Variants in FMN1 observed in about 807,000 individuals in gnomAD.
The protein encoded by FMN1 is formin 1.
Under a neutral mutation model 132.4 loss-of-function variants are expected in FMN1, and 110 were observed. The ratio of observed to expected loss-of-function variants is 0.83; its 90% CI spans 0.71 to 0.97. The LOEUF is 0.97. Among genes scored for constraint, FMN1 ranks in the 50% least tolerant of loss-of-function variants. The pLI, the probability that FMN1 is intolerant of heterozygous loss-of-function variation, is 0.00. For missense variants in FMN1, 1,792 were observed against 1,705.3 expected, an observed-to-expected ratio of 1.05 and a Z score of -0.90; for synonymous variants, 722 against 651.7, an observed-to-expected ratio of 1.11 and a Z score of -1.64.
chr15:33,161,471 C>T (rs1158307708), intron 3 of FMN1, among the ~76,000 whole-genome samples: 1 of 152,194 alleles, frequency 6.6e-6, no homozygotes, highest in African/African-American at 2.4e-5. Context: ...GCTGCTTTCT[C>T]TGAGTACCAT....
Position 32,964,048 on chromosome 15 carries a change from CATAT to C in FMN1, c.3138+55_3138+58del, listed in dbSNP as rs373128790. On this transcript the variant is annotated intron_variant, in intron 9 of 20. Transcript: ENST00000616417. Reference sequence around the variant, plus strand: ...ACACACACACACACACACACACACACATATATACCATTTCCCTGTATAATATATA... The same window carrying C: ...ACACACACACACACACACACACACACATACCATTTCCCTGTATAATATATA... The C allele has an allele frequency of 1.9e-4, 212 of 1,124,838 alleles. 1 individual carries two copies. Among genetic ancestry groups the C allele is most frequent in the African/African-American group, 2.5e-4 (14 of 56,690 alleles). 69.7% of individuals were successfully genotyped at this position (1,124,838 alleles called of 1,614,324 possible). A position where few individuals can be genotyped will look rare whatever the true frequency, so the allele number is the denominator to read the frequency against.
intron 9 of FMN1, among the ~76,000 whole-genome samples, chr15:32,946,077 G>A (rs2061504294): frequency 2.6e-5 from 4 of 152,132 alleles, no homozygotes; most frequent in African/African-American, 9.7e-5. Context: ...TCCACGAAAT[G>A]TTGGTAAAAA....
At chr15:32,817,922 A>C (rs1288697946) in intron 17 of FMN1, among the ~76,000 whole-genome samples, 2 of 152,246 alleles carry the variant, frequency 1.3e-5, no homozygotes, top group Non-Finnish European at 2.9e-5. Flanking sequence ...ACATTCAATA[A>C]GAATGAATGT....
At chr15:33,040,344 T>C (rs1454949192) in intron 6 of FMN1, among the ~76,000 whole-genome samples, 1 of 152,198 alleles carries the variant, frequency 6.6e-6, no homozygotes, top group Non-Finnish European at 1.5e-5. Context: ...ATTGAACTTA[T>C]TTGTGTATTT....
intron 7 of FMN1, among the ~76,000 whole-genome samples, chr15:32,985,875 A>G (rs776800528): frequency 3.3e-5 from 5 of 152,164 alleles, no homozygotes; most frequent in Non-Finnish European, 7.4e-5. Context: ...GTGAATGCAC[A>G]TCACATTTTA....
At position 32,769,393 on chromosome 15, in the gene FMN1, C is replaced by T. The variant is rs967729237; in HGVS notation, c.*4917G>A. The stretch of plus-strand genomic sequence containing the variant: ...GATGAAGAATTGTGAAACCAAAATG[C>T]AGTGCCTCTAATAAGGTGTCAACAG... On this transcript the variant is annotated 3_prime_UTR_variant, in exon 21 of 21. Coordinates refer to ENST00000616417, the MANE Select transcript of FMN1 (RefSeq NM_001277313.2). The T allele has an allele frequency of 6.6e-6, 1 of 152,204 alleles. No homozygotes were observed. Among genetic ancestry groups the T allele is most frequent in the African/African-American group, 2.4e-5 (1 of 41,462 alleles). 9.4% of individuals were successfully genotyped at this position (152,204 alleles called of 1,614,324 possible). A position where few individuals can be genotyped will look rare whatever the true frequency, so the allele number is the denominator to read the frequency against.
At chr15:33,046,763 C>A (rs1172497426) in intron 6 of FMN1, among the ~76,000 whole-genome samples, 2 of 151,270 alleles carry the variant, frequency 1.3e-5, no homozygotes, top group Non-Finnish European at 3.0e-5. Flanking sequence ...TCTCTCTGTG[C>A]AAACTGGTTG....
intron 7 of FMN1, among the ~76,000 whole-genome samples, chr15:32,971,414 G>T (rs1269513500): frequency 6.6e-6 from 1 of 152,184 alleles, no homozygotes; most frequent in Non-Finnish European, 1.5e-5. Context: ...CTAGCCTTTT[G>T]TGAGTTCTAC....
intron 16 of FMN1, among the ~76,000 whole-genome samples, chr15:32,864,576 G>A (rs2059349471): frequency 6.6e-6 from 1 of 152,056 alleles, no homozygotes; most frequent in African/African-American, 2.4e-5. Context: ...TTCATCCAAA[G>A]GCAAGACACT....
intron 9 of FMN1, among the ~76,000 whole-genome samples, chr15:32,944,436 A>T (rs773405180): frequency 5.9e-5 from 9 of 152,256 alleles, no homozygotes; most frequent in Admixed American, 2.0e-4. Flanking sequence ...CATTAAAATA[A>T]GCTTTCCACA....
intron 6 of FMN1, chr15:33,012,392 A>T: frequency 1.1e-6 from 1 of 903,600 alleles, no homozygotes; most frequent in South Asian, 1.3e-5. Flanking sequence ...GCTGTCTAAG[A>T]AGATTCTCAA....
chr15:32,939,273 T>A (rs1166467491), intron 9 of FMN1, among the ~76,000 whole-genome samples: 1 of 152,222 alleles, frequency 6.6e-6, no homozygotes, highest in Admixed American at 6.5e-5. Flanking sequence ...GGTAATTCAT[T>A]TTTTATGTTC....
At chr15:33,063,326 C>T (rs2037569409) in intron 6 of FMN1, 1 of 152,316 alleles carries the variant, frequency 6.6e-6, no homozygotes, top group Admixed American at 6.5e-5. Flanking sequence ...TCACTATGGA[C>T]CGGCGGCACC....
chr15:33,000,526 C>G (rs1472868696), intron 7 of FMN1, among the ~76,000 whole-genome samples: 13 of 151,682 alleles, frequency 8.6e-5, no homozygotes, highest in Admixed American at 8.5e-4. Flanking sequence ...CCTGTAACCC[C>G]AACATTTGGA....
intron 4 of FMN1, among the ~76,000 whole-genome samples, chr15:33,110,802 A>C (rs1443169336): frequency 6.6e-6 from 1 of 152,148 alleles, no homozygotes; most frequent in Non-Finnish European, 1.5e-5. Flanking sequence ...TATTAAAACA[A>C]AAATAAGAAC....
intron 7 of FMN1, among the ~76,000 whole-genome samples, chr15:32,995,715 A>G (rs766091229): frequency 1.3e-5 from 2 of 152,258 alleles, no homozygotes; most frequent in Non-Finnish European, 2.9e-5. Context: ...AGTTATGTAC[A>G]TGAAATTATA....
At chr15:32,955,279 T>C (rs1286810143) in intron 9 of FMN1, among the ~76,000 whole-genome samples, 1 of 152,208 alleles carries the variant, frequency 6.6e-6, no homozygotes, top group Non-Finnish European at 1.5e-5. Context: ...TCTCTGTTCA[T>C]ATTAAGCATG....
chr15:32,969,546 CAAT>C, intron 7 of FMN1, 69 bp from the exon 8 acceptor site: 2 of 1,514,090 alleles, frequency 1.3e-6, no homozygotes, highest in East Asian at 4.5e-5. Context: ...TTTAGAAACT[CAAT>C]AATACCATCA....
chr15:32,790,080 A>G (rs1310501619), intron 19 of FMN1, among the ~76,000 whole-genome samples: 1 of 152,192 alleles, frequency 6.6e-6, no homozygotes, highest in Non-Finnish European at 1.5e-5. Context: ...CTGCAAATTT[A>G]TATTATAGGA....
Sources: gnomAD v4.1 joint callset for allele counts (sites outside exome capture counted in the v4.1 genomes callset) on GRCh38, gnomAD v4.1.1 for gene constraint, MANE v1.5 for transcripts, NCBI Gene and HGNC (gene_info 2026-07-23, HGNC 2026-07-21) for gene names.